SLC25A26: variants seen among roughly 807,000 people sequenced by gnomAD.
SLC25A26 encodes mitochondrial S-adenosylmethionine carrier protein.
SLC25A26 carries 36 observed loss-of-function variants against 37.8 expected under a neutral mutation model. That is an observed-to-expected ratio of 0.95 (90% CI 0.73 to 1.26). SLC25A26 has a LOEUF of 1.26. SLC25A26 is among the 50% of genes most tolerant of loss of function. The pLI is 0.00. For synonymous variants in SLC25A26, 129 were observed against 122.5 expected (o/e 1.05, Z -0.35); for missense variants, 390 against 331.1 (o/e 1.18, Z -1.38).
chr3:66,374,365 T>C (rs1002955885), intron 9 of SLC25A26, among the ~76,000 whole-genome samples: 3 of 152,226 alleles, frequency 2.0e-5, no homozygotes, highest in African/African-American at 7.2e-5. Flanking sequence ...TCTTCGATGT[T>C]ACTGTAATTG....
chr3:66,224,644 C>T (rs1029727918), intron 1 of SLC25A26, among the ~76,000 whole-genome samples: 3 of 152,184 alleles, frequency 2.0e-5, no homozygotes, highest in African/African-American at 2.4e-5. Context: ...ATTTCAAAAC[C>T]AATCATGCCT....
At chr3:66,280,662 C>A (rs547989129) in intron 5 of SLC25A26, among the ~76,000 whole-genome samples, 1 of 152,044 alleles carries the variant, frequency 6.6e-6, no homozygotes, top group South Asian at 2.1e-4. Flanking sequence ...AGTAACACCA[C>A]CTTTTTCTTT....
intron 1 of SLC25A26, among the ~76,000 whole-genome samples, chr3:66,180,832 C>A (rs2070689976): frequency 6.6e-6 from 1 of 152,158 alleles, no homozygotes; most frequent in Non-Finnish European, 1.5e-5. Context: ...GAAGCCCTAA[C>A]CCCCAGTGTG....
intron 1 of SLC25A26, among the ~76,000 whole-genome samples, chr3:66,176,965 T>A (rs985095684): frequency 3.9e-5 from 6 of 152,176 alleles, no homozygotes; most frequent in Non-Finnish European, 8.8e-5. Flanking sequence ...ATAAATAACC[T>A]TCGTAGGTCT....
intron 5 of SLC25A26, among the ~76,000 whole-genome samples, chr3:66,286,127 G>T (rs2074505285): frequency 6.6e-6 from 1 of 152,128 alleles, no homozygotes; most frequent in Non-Finnish European, 1.5e-5. Context: ...TAGGTGATTT[G>T]CAGTATTTTC....
Position 66,377,801 on chromosome 3 carries a change from T to C in SLC25A26, c.819T>C (p.Ser273=). Residue 273 remains serine (S), a synonymous_variant, in exon 10 of 10, where the codon AGT becomes AGC. Coordinates refer to ENST00000354883, the MANE Select transcript of SLC25A26 (RefSeq NM_001379210.1). ...TGCTGTTGGAAGTTGGCAGAAAGAG[T>C]CCTTGAAGCAGAGACAAGCCTCACC... ...HSLLLEVGRK[S]P is the part of the protein sequence containing the mutation. 3 of 1,612,730 alleles carry C rather than the reference T, an allele frequency of 1.9e-6. No individual in the cohort carries two copies. The highest frequency in any genetic ancestry group is 2.5e-6 in the Non-Finnish European group (3 of 1,179,104).
At chr3:66,151,135 G>T (rs1259367814) in intron 1 of SLC25A26, among the ~76,000 whole-genome samples, 1 of 152,144 alleles carries the variant, frequency 6.6e-6, no homozygotes, top group African/African-American at 2.4e-5. Flanking sequence ...CCTTCTCTGG[G>T]CCAGGGAATG....
chr3:66,371,830 C>G (rs1700359409), intron 9 of SLC25A26, among the ~76,000 whole-genome samples: 1 of 152,150 alleles, frequency 6.6e-6, no homozygotes. Context: ...GGGTGCGGGG[C>G]TCACACCTGT....
chr3:66,354,483 T>G (rs1457689198), intron 6 of SLC25A26, among the ~76,000 whole-genome samples: 2 of 152,226 alleles, frequency 1.3e-5, no homozygotes, highest in African/African-American at 4.8e-5. Context: ...TAGATCTCTC[T>G]TTTATGTTTT....
At chr3:66,172,861 G>A (rs2070521138) in intron 1 of SLC25A26, among the ~76,000 whole-genome samples, 1 of 151,992 alleles carries the variant, frequency 6.6e-6, no homozygotes, top group Non-Finnish European at 1.5e-5. Flanking sequence ...CTTTTTATGA[G>A]GACACCAGTC....
chr3:66,135,869 T>C (rs1444917027), intron 1 of SLC25A26, among the ~76,000 whole-genome samples: 1 of 152,240 alleles, frequency 6.6e-6, no homozygotes, highest in African/African-American at 2.4e-5. Context: ...AGATATTCTT[T>C]TGGAATATTC....
chr3:66,219,280 C>T (rs2106854654), upstream of SLC25A26, among the ~76,000 whole-genome samples: 1 of 152,200 alleles, frequency 6.6e-6, no homozygotes, highest in South Asian at 2.1e-4. Context: ...ATTCCTGGCC[C>T]CTAATGTGTT....
intron 6 of SLC25A26, among the ~76,000 whole-genome samples, chr3:66,349,955 A>C (rs915001180): frequency 5.3e-5 from 8 of 152,182 alleles, no homozygotes; most frequent in Non-Finnish European, 8.8e-5. Context: ...TTCCCTCATG[A>C]CTAAATAATG....
At chr3:66,344,926 T>A (rs1381497224) in intron 5 of SLC25A26, among the ~76,000 whole-genome samples, 3 of 152,226 alleles carry the variant, frequency 2.0e-5, no homozygotes, top group Non-Finnish European at 1.5e-5. Flanking sequence ...CTTTAGGCGT[T>A]ACACAGCGTC....
intron 5 of SLC25A26, among the ~76,000 whole-genome samples, chr3:66,290,919 A>G (rs1236077101): frequency 1.3e-5 from 2 of 152,178 alleles, no homozygotes; most frequent in Non-Finnish European, 2.9e-5. Flanking sequence ...CTCTGGTAGA[A>G]TTCGGCTGTG....
chr3:66,209,224 A>G (rs1178852148), intron 1 of SLC25A26, among the ~76,000 whole-genome samples: 1 of 138,548 alleles, frequency 7.2e-6, no homozygotes, highest in Non-Finnish European at 1.5e-5. Flanking sequence ...AACACAAAGA[A>G]TATATAACGA....
chr3:66,314,211 A>G (rs1215816370), intron 5 of SLC25A26, among the ~76,000 whole-genome samples: 2 of 152,126 alleles, frequency 1.3e-5, no homozygotes, highest in Non-Finnish European at 2.9e-5. Context: ...TTCAAAGGGA[A>G]TGCTTCCACC....
chr3:66,347,796 A>G (rs1559725227), intron 6 of SLC25A26, among the ~76,000 whole-genome samples: 2 of 152,232 alleles, frequency 1.3e-5, no homozygotes, highest in Admixed American at 1.3e-4. Flanking sequence ...ATGCAGCCAT[A>G]AAAAGGAAAT....
chr3:66,195,767 T>A (rs1428405422), intron 1 of SLC25A26, among the ~76,000 whole-genome samples: 1 of 152,200 alleles, frequency 6.6e-6, no homozygotes, highest in Non-Finnish European at 1.5e-5. Flanking sequence ...GGTTGAAGAA[T>A]ATGCAAAAAG....
Sources: gnomAD v4.1 joint callset for allele counts (sites outside exome capture counted in the v4.1 genomes callset) on GRCh38, gnomAD v4.1.1 for gene constraint, MANE v1.5 for transcripts, NCBI Gene and HGNC (gene_info 2026-07-23, HGNC 2026-07-21) for gene names.